Variants in COL12A1 observed in about 807,000 individuals in gnomAD.
COL12A1 encodes collagen alpha-1(XII) chain.
Under a neutral mutation model 349.7 loss-of-function variants are expected in COL12A1, and 114 were observed. The ratio of observed to expected loss-of-function variants is 0.33; its 90% CI spans 0.28 to 0.38. The LOEUF (loss-of-function observed/expected upper bound fraction) is 0.38. Among genes scored for constraint, COL12A1 ranks in the 10% least tolerant of loss-of-function variants. The probability of loss-of-function intolerance (pLI) is 1.00; values close to 1 mark genes in which losing one functional copy is unlikely to be tolerated. For synonymous variants in COL12A1, 1,369 were observed against 1,329.0 expected, an observed-to-expected ratio of 1.03 and a Z score of -0.66; for missense variants, 3,284 against 3,756.9, an observed-to-expected ratio of 0.87 and a Z score of 3.29.
At chr6:75,128,518 T>G (rs951898732) in intron 37 of COL12A1, 93 bp from the exon 38 acceptor site, 1 of 1,096,940 alleles carries the variant, frequency 9.1e-7, no homozygotes, top group African/African-American at 1.6e-5. Context: ...TAAACAGTAA[T>G]AGTAGTTTTT....
intron 12 of COL12A1, among the ~76,000 whole-genome samples, chr6:75,175,642 T>C (rs974723281): frequency 2.6e-5 from 4 of 152,242 alleles, no homozygotes; most frequent in African/African-American, 9.6e-5. Flanking sequence ...ATAAAATATA[T>C]ACACATTGAT....
chr6:75,176,262 C>T (rs969287064), intron 12 of COL12A1, among the ~76,000 whole-genome samples: 1 of 146,108 alleles, frequency 6.8e-6, no homozygotes, highest in South Asian at 2.2e-4. Flanking sequence ...GCAGTGGGAG[C>T]GTGATGCAGT....
Position 75,146,218 on chromosome 6 carries a change from T to C in COL12A1, c.4444A>G (p.Ile1482Val). ...TLPVPVVSLN[I>V]YDVGPTTMHV... Reference sequence around the variant, plus strand: ...ATGGTGGTAGGGCCAACATCATAAATATTCAGGCTGACTACAGGCACTGGC... The same window carrying C: ...ATGGTGGTAGGGCCAACATCATAAACATTCAGGCTGACTACAGGCACTGGC... Residue 1482 changes from isoleucine to valine, a missense_variant, in exon 24 of 66, where the codon ATT becomes GTT. Transcript: ENST00000322507. 6.2e-7 allele frequency: 1 copy of C among 1,610,524 alleles called. No homozygotes were observed. The highest frequency in any genetic ancestry group is 1.3e-5 in the African/African-American group (1 of 74,830).
At chr6:75,185,397 A>G (rs941647178) in intron 8 of COL12A1, among the ~76,000 whole-genome samples, 11 of 152,208 alleles carry the variant, frequency 7.2e-5, no homozygotes, top group African/African-American at 2.7e-4. Flanking sequence ...AGAATAAAAT[A>G]CCTAGGAATA....
Position 75,101,543 on chromosome 6 carries a change from T to C in COL12A1, c.8523+57A>G, listed in dbSNP as rs1768301882. On this transcript the variant is annotated intron_variant, in intron 58 of 65. Coordinates refer to ENST00000322507, the MANE Select transcript of COL12A1 (RefSeq NM_004370.6). ...TGGATTTTGAAGGGTTCTTAATTAA[T>C]AGGCAACCATATGACATCATTTCCA... is the stretch of plus-strand genomic sequence containing the variant. 3.3e-6 allele frequency: 5 copies of C among 1,533,734 alleles called. No individual in the cohort carries two copies. In the Admixed American group the frequency reaches 7.5e-5, roughly 23 times the overall value.
intron 52 of COL12A1, among the ~76,000 whole-genome samples, chr6:75,106,749 C>T (rs575302803): frequency 3.7e-4 from 57 of 152,172 alleles, no homozygotes; most frequent in African/African-American, 1.1e-3. Context: ...CATGTTTGAA[C>T]ATATGTCTAC....
At position 75,119,030 on chromosome 6, in the gene COL12A1, T is replaced by C. The variant is rs1769222122; in HGVS notation, c.7354+13A>G. 1 of 1,613,238 alleles carries C rather than the reference T, an allele frequency of 6.2e-7. No individual in the cohort carries two copies. The highest frequency in any genetic ancestry group is 1.1e-5 in the South Asian group (1 of 90,996). On this transcript the variant is annotated intron_variant, in intron 46 of 65. Coordinates refer to ENST00000322507, the MANE Select transcript of COL12A1 (RefSeq NM_004370.6). ...AAAATTTCAAGTGCAATCAAATTCATGTATGTGCTTGCCTGACTGCTGGAT... is the reference window on the plus strand; with the variant it reads ...AAAATTTCAAGTGCAATCAAATTCACGTATGTGCTTGCCTGACTGCTGGAT...
intron 9 of COL12A1, 61 bp from the exon 10 acceptor site, chr6:75,183,713 T>G: frequency 6.5e-7 from 1 of 1,536,226 alleles, no homozygotes. Context: ...AATATACATA[T>G]CTAGCTTTCT....
At chr6:75,190,418 T>A (rs548973167) in intron 5 of COL12A1, among the ~76,000 whole-genome samples, 193 of 151,980 alleles carry the variant, frequency 1.3e-3, no homozygotes, top group African/African-American at 4.4e-3. Context: ...AAGCATAAAA[T>A]TATGCAAAAT....
intron 47 of COL12A1, 96 bp from the exon 48 acceptor site, chr6:75,116,153 A>G: frequency 8.6e-7 from 1 of 1,156,880 alleles, no homozygotes; most frequent in Non-Finnish European, 1.3e-6. Context: ...CAAGTAATAA[A>G]TGACATTGTT....
intron 38 of COL12A1, 51 bp downstream of exon 38, chr6:75,128,245 C>A: frequency 6.7e-7 from 1 of 1,483,224 alleles, no homozygotes; most frequent in Non-Finnish European, 9.0e-7. Flanking sequence ...GCAACATTAA[C>A]ATATTGACAA....
At chr6:75,176,968 A>G (rs1768990757) in intron 12 of COL12A1, among the ~76,000 whole-genome samples, 1 of 152,240 alleles carries the variant, frequency 6.6e-6, no homozygotes, top group Non-Finnish European at 1.5e-5. Context: ...TAATCATCCC[A>G]TTTAAAGAAA....
intron 16 of COL12A1, among the ~76,000 whole-genome samples, chr6:75,155,170 A>T (rs1054261895): frequency 1.4e-4 from 22 of 152,104 alleles, no homozygotes; most frequent in African/African-American, 5.1e-4. Flanking sequence ...TGGACCTTTC[A>T]TGAGCCCAGC....
intron 5 of COL12A1, among the ~76,000 whole-genome samples, chr6:75,191,336 T>C (rs557875222): frequency 6.2e-4 from 94 of 152,124 alleles, no homozygotes; most frequent in Middle Eastern, 3.4e-3. Context: ...GTATTTCTCA[T>C]ATATTCCTAA....
chr6:75,167,137 A>G (rs544621262), intron 13 of COL12A1, among the ~76,000 whole-genome samples: 1 of 152,282 alleles, frequency 6.6e-6, no homozygotes, highest in South Asian at 2.1e-4. Context: ...TGTCTTTACT[A>G]TGTAAATGGT....
Position 75,148,463 on chromosome 6 carries a change from A to C in COL12A1, c.4182T>G (p.Ser1394=). 1 of 1,613,574 alleles carries C rather than the reference A, an allele frequency of 6.2e-7. No individual in the cohort carries two copies. The highest frequency in any genetic ancestry group is 8.5e-7 in the Non-Finnish European group (1 of 1,179,552). ...DLEAPSNLVI[S]ERTHRSFRVS... ...CTCTAAAAGAACGATGGGTTCGCTC[A>C]GAAATAACTAAGTTAGAAGGTGCTT... Residue 1394 remains serine (S), a synonymous_variant, in exon 22 of 66, where the codon TCT becomes TCG. Coordinates refer to ENST00000322507, the MANE Select transcript of COL12A1 (RefSeq NM_004370.6).
In COL12A1 at chr6:75,177,690, A is replaced by C. The variant is rs769631929; in HGVS notation, c.2410T>G (p.Leu804Val). ...TCTTCAGTGGCTGCATTTCCAGTTA[A>C]TGGAGTACCAGGTCCTGAGAAATAT... ...PEYFSGPGTP[L>V]TGNAATEEVR... Residue 804 changes from leucine (L) to valine (V), a missense_variant, in exon 12 of 66, where the codon TTA becomes GTA. By Grantham distance (32) the Leu-to-Val change is conservative. Around this residue, in one of 2 missense-constraint regions of COL12A1, gnomAD observed 2,601 missense variants for 2,824.8 expected, o/e 0.92. Transcript: ENST00000322507. 18 of 1,613,932 alleles carry C rather than the reference A, an allele frequency of 1.1e-5. No homozygotes were observed. In the Admixed American group the frequency reaches 2.3e-4, roughly 21 times the overall value.
chr6:75,121,889 G>T (rs1186164405), intron 43 of COL12A1, among the ~76,000 whole-genome samples: 2 of 141,744 alleles, frequency 1.4e-5, no homozygotes, highest in Non-Finnish European at 3.0e-5. Context: ...ACAGGGTCTT[G>T]CTCTGTCTTC....
chr6:75,183,422 T>G lies in COL12A1; in HGVS notation c.1519A>C (p.Ile507Leu). ...CCTCCTCTGTAAGGGAAGGTGTTTA[T>G]TGCTTCAATTATATCTTCAACTTTG... ...FTKVEDIIEA[I>L]NTFPYRGGST... is the part of the protein sequence containing the mutation. The change falls in exon 10 of 66, where the codon ATA (isoleucine) becomes CTA (leucine). Residue 507 changes from isoleucine to leucine, a missense_variant. Ile to Leu is a conservative substitution (Grantham distance 5). This residue lies in a region of COL12A1 where 2,601 missense variants were observed against 2,824.8 expected (regional missense o/e 0.92). Transcript: ENST00000322507. 1 of 1,614,246 alleles carries G rather than the reference T, an allele frequency of 6.2e-7. No individual in the cohort carries two copies. The highest frequency in any genetic ancestry group is 2.2e-5 in the East Asian group (1 of 44,890).
Sources: gnomAD v4.1 joint callset for allele counts (sites outside exome capture counted in the v4.1 genomes callset) on GRCh38, gnomAD v4.1.1 for gene constraint, gnomAD v4.1.1 regional missense constraint, MANE v1.5 for transcripts, NCBI Gene and HGNC (gene_info 2026-07-23, HGNC 2026-07-21) for gene names.